NFATC3: variants seen among roughly 807,000 people sequenced by gnomAD.
NFATC3 encodes the protein nuclear factor of activated T-cells, cytoplasmic 3.
Under a neutral mutation model 98.6 loss-of-function variants are expected in NFATC3, and 46 were observed. That is an observed-to-expected ratio of 0.47 (90% CI 0.37 to 0.60). The LOEUF (loss-of-function observed/expected upper bound fraction) is 0.60. NFATC3 is among the 20% of genes least tolerant of loss of function. NFATC3 has a pLI of 0.00. For missense variants in NFATC3, 1,256 were observed against 1,295.5 expected, an observed-to-expected ratio of 0.97 and a Z score of 0.47; for synonymous variants, 512 against 472.2, an observed-to-expected ratio of 1.08 and a Z score of -1.09.
chr16:68,104,772 A>G (rs1031305374), intron 1 of NFATC3, among the ~76,000 whole-genome samples: 11 of 150,494 alleles, frequency 7.3e-5, no homozygotes, highest in African/African-American at 2.7e-4. Context: ...CTCCTGCCTC[A>G]GCCTCCCAAG....
In NFATC3 at chr16:68,122,122, T is replaced by A; in HGVS notation, c.239T>A (p.Leu80His). The change falls in exon 2 of 10, where the codon CTC (leucine) becomes CAC (histidine). Residue 80 changes from leucine (L) to histidine (H), a missense_variant. Leu to His is a moderately conservative substitution (Grantham distance 99). This residue lies in a region of NFATC3 where 464 missense variants were observed against 465.7 expected (regional missense o/e 1.00). Transcript: ENST00000346183. ...TCTGTTTTGTCACCATCGTTTCAGCTCCAAAGTCACAAAAACTATGAAGGA... is the reference window on the plus strand; with the variant it reads ...TCTGTTTTGTCACCATCGTTTCAGCACCAAAGTCACAAAAACTATGAAGGA... ...HSSVLSPSFQ[L>H]QSHKNYEGTC... The A allele has an allele frequency of 6.2e-7, 1 of 1,614,100 alleles. No individual in the cohort carries two copies. Among genetic ancestry groups the A allele is most frequent in the Non-Finnish European group, 8.5e-7 (1 of 1,180,026 alleles).
At chr16:68,098,963 C>T (rs912066385) in intron 1 of NFATC3, among the ~76,000 whole-genome samples, 4 of 152,148 alleles carry the variant, frequency 2.6e-5, no homozygotes, top group African/African-American at 4.8e-5. Flanking sequence ...TTTCTCCCAA[C>T]GATAACATCT....
intron 1 of NFATC3, among the ~76,000 whole-genome samples, chr16:68,118,596 C>G (rs898644761): frequency 1.3e-5 from 2 of 152,142 alleles, no homozygotes; most frequent in Non-Finnish European, 1.5e-5. Context: ...CAGTTGCCTA[C>G]TTTCTTCTCT....
rs1438230811 is a variant in NFATC3 at position 68,135,520 on chromosome 16, C to A, written c.1401+8910C>A. ...GTGTACTTGTTGCTGAGAAACTAAT[C>A]TTTAATAAATTTAAAATAGTCTTTA... On this transcript the variant is annotated intron_variant, in intron 3 of 9. Transcript: ENST00000346183. Among the ~76,000 whole-genome samples, 3 of 145,194 alleles carry A rather than the reference C, an allele frequency of 2.1e-5. No homozygotes were observed. In the East Asian group the frequency reaches 6.3e-4, roughly 30 times the overall value.
At chr16:68,180,759 G>T (rs1028832449) in intron 6 of NFATC3, among the ~76,000 whole-genome samples, 8 of 152,196 alleles carry the variant, frequency 5.3e-5, no homozygotes, top group Non-Finnish European at 1.2e-4. Flanking sequence ...GCGGTGTTTG[G>T]TTTTTTGTCC....
chr16:68,203,974 G>A (rs986954389), intron 9 of NFATC3, among the ~76,000 whole-genome samples: 5 of 152,052 alleles, frequency 3.3e-5, no homozygotes, highest in Admixed American at 3.3e-4. Flanking sequence ...GATCACTGGA[G>A]GCCAGGAGTT....
chr16:68,214,072 T>C (rs2151164887), intron 9 of NFATC3, among the ~76,000 whole-genome samples: 1 of 152,336 alleles, frequency 6.6e-6, no homozygotes. Context: ...TTAAAACCAC[T>C]GAAAACCATA....
rs900779949 is a variant in NFATC3 at position 68,228,640 on chromosome 16, G to A, written c.*2169G>A. On this transcript the variant is annotated 3_prime_UTR_variant, in exon 10 of 10. Coordinates refer to ENST00000346183, the MANE Select transcript of NFATC3 (RefSeq NM_173165.3). Reference sequence around the variant, plus strand: ...ATATCAGCTTTGTAAAAGCTTTGGTGTTAAGAGTCAATATTTTTTGGCTTT... The same window carrying A: ...ATATCAGCTTTGTAAAAGCTTTGGTATTAAGAGTCAATATTTTTTGGCTTT... The A allele has an allele frequency of 1.3e-5, 2 of 152,642 alleles. No individual in the cohort carries two copies. The highest frequency in any genetic ancestry group is 2.4e-5 in the African/African-American group (1 of 41,450). The allele number at this position is 152,642 out of a possible 1,614,324, so 9.5% of individuals were successfully genotyped here.
intron 1 of NFATC3, among the ~76,000 whole-genome samples, chr16:68,103,193 TTTATTA>T (rs945610645): frequency 6.6e-6 from 1 of 150,794 alleles, no homozygotes; most frequent in Non-Finnish European, 1.5e-5. Context: ...TTTTTTTTAT[TTTATTA>T]TTATTATTAT....
In NFATC3 at chr16:68,085,413, G is replaced by T. The variant is rs950236445; in HGVS notation, c.-269G>T. ...CGCGGCGGCGGTGGCGGCGACTGTG[G>T]GGGGGCGGCGGGGAACATTGGCTAA... On this transcript the variant is annotated 5_prime_UTR_variant, in exon 1 of 10. Coordinates refer to ENST00000346183, the MANE Select transcript of NFATC3 (RefSeq NM_173165.3). The T allele has an allele frequency of 1.1e-5, 3 of 265,480 alleles. No individual in the cohort carries two copies. Among genetic ancestry groups the T allele is most frequent in the African/African-American group, 2.3e-5 (1 of 44,124 alleles). The allele number at this position is 265,480 out of a possible 1,614,324, so 16.4% of individuals were successfully genotyped here.
intron 5 of NFATC3, among the ~76,000 whole-genome samples, chr16:68,174,004 G>A (rs1328527108): frequency 1.3e-5 from 2 of 151,976 alleles, no homozygotes; most frequent in Non-Finnish European, 2.9e-5. Context: ...AAAATTAGCT[G>A]AGCATGGTGT....
At chr16:68,159,799 T>C (rs1053933552) in intron 4 of NFATC3, among the ~76,000 whole-genome samples, 3 of 150,896 alleles carry the variant, frequency 2.0e-5, no homozygotes, top group Non-Finnish European at 4.4e-5. Context: ...AGATTTCAGC[T>C]GGGCGCAGTG....
At chr16:68,197,762 C>T (rs1176111997) in intron 9 of NFATC3, among the ~76,000 whole-genome samples, 2 of 152,164 alleles carry the variant, frequency 1.3e-5, no homozygotes, top group Admixed American at 1.3e-4. Context: ...AAAATTTTTG[C>T]TATACTACTT....
At chr16:68,133,696 C>T (rs1242718461) in intron 3 of NFATC3, among the ~76,000 whole-genome samples, 1 of 152,138 alleles carries the variant, frequency 6.6e-6, no homozygotes, top group East Asian at 1.9e-4. Context: ...TGCTTTGTAT[C>T]TAACATCATG....
chr16:68,225,194 C>A (rs1054712799), intron 9 of NFATC3: 2 of 152,136 alleles, frequency 1.3e-5, no homozygotes, highest in African/African-American at 4.8e-5. Flanking sequence ...TCAGGTGATC[C>A]GCCTGCCTCA....
intron 9 of NFATC3, among the ~76,000 whole-genome samples, chr16:68,210,222 C>T (rs548652440): frequency 1.5e-4 from 23 of 151,106 alleles, no homozygotes; most frequent in Non-Finnish European, 2.8e-4. Context: ...GGCGTGAACC[C>T]GGAAGGCGGA....
intron 9 of NFATC3, among the ~76,000 whole-genome samples, chr16:68,207,270 A>G (rs1253718926): frequency 1.3e-5 from 2 of 151,728 alleles, no homozygotes; most frequent in Non-Finnish European, 2.9e-5. Context: ...AGACCATGCC[A>G]TTGCACTCCA....
chr16:68,105,070 TCAGTTGA>T (rs2035581708), intron 1 of NFATC3, among the ~76,000 whole-genome samples: 2 of 151,588 alleles, frequency 1.3e-5, no homozygotes, highest in Non-Finnish European at 2.9e-5. Flanking sequence ...GCTTTTTCTG[TCAGTTGA>T]GGTGACTGTG....
chr16:68,114,281 C>T (rs2036146513), intron 1 of NFATC3, among the ~76,000 whole-genome samples: 1 of 151,974 alleles, frequency 6.6e-6, no homozygotes, highest in Admixed American at 6.6e-5. Context: ...TAGTCAGTCC[C>T]AGTGAGAGAA....
Sources: allele counts gnomAD v4.1 joint callset (sites outside exome capture counted in the v4.1 genomes callset), GRCh38; gene constraint gnomAD v4.1.1; regional missense constraint gnomAD v4.1.1; transcripts MANE v1.5; gene names NCBI Gene and HGNC (gene_info 2026-07-23, HGNC 2026-07-21).